PSMD14: variants seen among roughly 807,000 people sequenced by gnomAD.
PSMD14 encodes ubiquitin C-terminal hydrolase PSMD14.
In PSMD14, 7 loss-of-function variants were observed where a neutral mutation model predicts 41.2. That is an observed-to-expected ratio of 0.17 (90% CI 0.10 to 0.32). The LOEUF (loss-of-function observed/expected upper bound fraction) is 0.32, where lower values mean the gene tolerates loss of function less well. Among genes scored for constraint, PSMD14 ranks in the 10% least tolerant of loss-of-function variants. The pLI is 1.00. For synonymous variants in PSMD14, 114 were observed against 122.3 expected, an observed-to-expected ratio of 0.93 and a Z score of 0.45; for missense variants, 139 against 375.6, an observed-to-expected ratio of 0.37 and a Z score of 5.21.
chr2:161,320,915 T>C (rs933839929), intron 3 of PSMD14, among the ~76,000 whole-genome samples: 3 of 151,786 alleles, frequency 2.0e-5, no homozygotes, highest in Admixed American at 6.6e-5. Context: ...TAGTAGAGAC[T>C]ATGTTTCACC....
chr2:161,315,099 A>C (rs1689132837), intron 1 of PSMD14, among the ~76,000 whole-genome samples: 1 of 152,196 alleles, frequency 6.6e-6, no homozygotes, highest in Non-Finnish European at 1.5e-5. Flanking sequence ...ATTGAGAGTG[A>C]TTTTTGAGAC....
At chr2:161,371,134 G>T in intron 6 of PSMD14, 38 bp from the exon 7 acceptor site, 1 of 1,596,654 alleles carries the variant, frequency 6.3e-7, no homozygotes, top group Non-Finnish European at 8.6e-7. Context: ...TGTATTACTT[G>T]TTCTGTTCTG....
chr2:161,390,934 T>TA (rs2105266429), intron 8 of PSMD14, among the ~76,000 whole-genome samples, 170 bp from the exon 9 acceptor site: 1 of 152,334 alleles, frequency 6.6e-6, no homozygotes, highest in East Asian at 1.9e-4. Flanking sequence ...ACCTTAGTTT[T>TA]AAACTTGTAG....
At chr2:161,362,801 T>G (rs1253352423) in intron 3 of PSMD14, among the ~76,000 whole-genome samples, 1 of 152,238 alleles carries the variant, frequency 6.6e-6, no homozygotes, top group Non-Finnish European at 1.5e-5. Flanking sequence ...TAATTGAGAT[T>G]TAGCTAAGAT....
intron 9 of PSMD14, among the ~76,000 whole-genome samples, chr2:161,393,001 C>T (rs1385951434): frequency 6.6e-6 from 1 of 152,056 alleles, no homozygotes; most frequent in Non-Finnish European, 1.5e-5. Flanking sequence ...AATATATAAG[C>T]ACTTACATAA....
intron 3 of PSMD14, among the ~76,000 whole-genome samples, chr2:161,333,395 G>A (rs1368923611): frequency 6.6e-6 from 1 of 152,302 alleles, no homozygotes; most frequent in East Asian, 1.9e-4. Flanking sequence ...AGTCTGTGTG[G>A]GGTCAAATTC....
chr2:161,368,032 A>G (rs1683382629), intron 5 of PSMD14, 129 bp downstream of exon 5: 2 of 1,105,660 alleles, frequency 1.8e-6, no homozygotes, highest in Non-Finnish European at 2.5e-6. Flanking sequence ...TAAGTTTGAT[A>G]GAAATTTTTA....
intron 1 of PSMD14, among the ~76,000 whole-genome samples, chr2:161,315,976 G>A (rs1016496245): frequency 6.6e-6 from 1 of 151,658 alleles, no homozygotes; most frequent in Non-Finnish European, 1.5e-5. Context: ...TGAGTAGCTG[G>A]GATTACAGGT....
chr2:161,370,322 G>A (rs1274285132), intron 6 of PSMD14, 145 bp downstream of exon 6: 4 of 624,714 alleles, frequency 6.4e-6, no homozygotes, highest in Non-Finnish European at 1.1e-5. Context: ...TCAGTGCCAT[G>A]CACCACCTGT....
At chr2:161,370,708 C>T (rs1683420390) in intron 6 of PSMD14, among the ~76,000 whole-genome samples, 1 of 152,134 alleles carries the variant, frequency 6.6e-6, no homozygotes, top group East Asian at 1.9e-4. Flanking sequence ...CTGAGCAGAA[C>T]AGTGCAAATT....
At chr2:161,388,940 G>C (rs1162573121) in intron 8 of PSMD14, among the ~76,000 whole-genome samples, 1 of 152,104 alleles carries the variant, frequency 6.6e-6, no homozygotes, top group Non-Finnish European at 1.5e-5. Context: ...TTGGGAGGAA[G>C]GCACTGGGGG....
rs1246099402 is a variant in PSMD14 at position 161,408,841 on chromosome 2, TAGA to T, written c.786_788del (p.Glu262del). ...TCCTTTGTGTTTCATTCACAGGCTG[TAGA>T]AGAAGAAGATAAGATGACACCTGAA... On this transcript the variant is annotated inframe_deletion, in exon 11 of 12. Coordinates refer to ENST00000409682, the MANE Select transcript of PSMD14 (RefSeq NM_005805.6). 1.2e-6 allele frequency: 2 copies of T among 1,602,832 alleles called. No individual in the cohort carries two copies. Among genetic ancestry groups the T allele is most frequent in the Non-Finnish European group, 1.7e-6 (2 of 1,171,330 alleles).
At chr2:161,350,525 A>C (rs1308481965) in intron 3 of PSMD14, among the ~76,000 whole-genome samples, 2 of 152,240 alleles carry the variant, frequency 1.3e-5, no homozygotes, top group Non-Finnish European at 2.9e-5. Flanking sequence ...GGGCCTAACC[A>C]GCCATTTGCA....
intron 3 of PSMD14, among the ~76,000 whole-genome samples, chr2:161,319,638 C>G (rs948149221): frequency 6.6e-6 from 1 of 152,070 alleles, no homozygotes; most frequent in African/African-American, 2.4e-5. Context: ...GTTTTATGAC[C>G]AAATATTAGA....
intron 1 of PSMD14, among the ~76,000 whole-genome samples, chr2:161,316,141 G>T (rs1689145875): frequency 6.6e-6 from 1 of 152,168 alleles, no homozygotes. Context: ...ACTGCGCCCA[G>T]CCTGTTTTGT....
rs560233737 is a variant in PSMD14 at position 161,318,819 on chromosome 2, T to C, written c.-4-3T>C. 1 of 1,612,504 alleles carries C rather than the reference T, an allele frequency of 6.2e-7. No individual in the cohort carries two copies. The highest frequency in any genetic ancestry group is 1.3e-5 in the African/African-American group (1 of 75,018). ...ACGTTTTTTCTTTGTTTCTGTTTTC[T>C]AGAAATATGGACAGACTTCTTAGAC... On this transcript the variant is annotated splice_polypyrimidine_tract_variant and splice_region_variant and intron_variant, in intron 2 of 11. Transcript: ENST00000409682.
chr2:161,359,364 A>G (rs1683257699), intron 3 of PSMD14, among the ~76,000 whole-genome samples: 1 of 152,314 alleles, frequency 6.6e-6, no homozygotes, highest in Admixed American at 6.5e-5. Flanking sequence ...AACTGGTAAT[A>G]TATTTGAGAA....
At position 161,355,980 on chromosome 2, in the gene PSMD14, A is replaced by G. The variant is rs551034250; in HGVS notation, c.49-11498A>G. Among the ~76,000 whole-genome samples, 15 of 152,288 alleles carry G rather than the reference A, an allele frequency of 9.8e-5. No individual in the cohort carries two copies. In the East Asian group the frequency reaches 1.3e-3, roughly 14 times the overall value. On this transcript the variant is annotated intron_variant, in intron 3 of 11. Transcript: ENST00000409682. ...TCTGAGGGGAGAGTTGCAGTATTACATTGCAATTAATTTGCTCTACTCTTC... is the reference window on the plus strand; with the variant it reads ...TCTGAGGGGAGAGTTGCAGTATTACGTTGCAATTAATTTGCTCTACTCTTC...
intron 3 of PSMD14, among the ~76,000 whole-genome samples, chr2:161,339,033 C>T (rs1682909895): frequency 6.6e-6 from 1 of 152,004 alleles, no homozygotes; most frequent in South Asian, 2.1e-4. Context: ...TTTGTTTATC[C>T]ATTAACTTGT....
Sources: allele counts gnomAD v4.1 joint callset (sites outside exome capture counted in the v4.1 genomes callset), GRCh38; gene constraint gnomAD v4.1.1; transcripts MANE v1.5; gene names NCBI Gene and HGNC (gene_info 2026-07-23, HGNC 2026-07-21).